The following CKAP5 variants were observed in gnomAD, a reference collection of about 807,000 sequenced individuals.
CKAP5 encodes the protein cytoskeleton-associated protein 5.
In CKAP5, 27 loss-of-function variants were observed where a neutral mutation model predicts 232.8. That is an observed-to-expected ratio of 0.12 (90% CI 0.09 to 0.16). The LOEUF is 0.16. Among genes scored for constraint, CKAP5 ranks in the 10% least tolerant of loss-of-function variants. The pLI is 1.00. For synonymous variants in CKAP5, 785 were observed against 841.1 expected, an observed-to-expected ratio of 0.93 and a Z score of 1.16; for missense variants, 1,838 against 2,424.7, an observed-to-expected ratio of 0.76 and a Z score of 5.08.
intron 16 of CKAP5, among the ~76,000 whole-genome samples, chr11:46,787,547 G>GCTATA (rs1302736770): frequency 8.6e-5 from 13 of 152,046 alleles, no homozygotes; most frequent in African/African-American, 3.1e-4. Flanking sequence ...AGTTAATGGG[G>GCTATA]CTATACAATT....
At chr11:46,761,418 T>C (rs1406689968) in intron 32 of CKAP5, among the ~76,000 whole-genome samples, 1 of 152,198 alleles carries the variant, frequency 6.6e-6, no homozygotes. Flanking sequence ...AATTCCCAAC[T>C]GCTTTATATT....
At chr11:46,752,311 T>TA (rs2065075764) in intron 38 of CKAP5, among the ~76,000 whole-genome samples, 1 of 147,684 alleles carries the variant, frequency 6.8e-6, no homozygotes, top group Non-Finnish European at 1.5e-5. Context: ...CACATATATA[T>TA]AAAAAACCAT....
intron 32 of CKAP5, 32 bp downstream of exon 32, chr11:46,761,968 A>G: frequency 6.4e-7 from 1 of 1,556,896 alleles, no homozygotes; most frequent in Non-Finnish European, 8.8e-7. Flanking sequence ...TCTTTTCACG[A>G]CATGCTGACA....
Position 46,752,827 on chromosome 11 carries a change from G to A in CKAP5, c.5058-117C>T, listed in dbSNP as rs552927296. Reference sequence around the variant, plus strand: ...TCATCTAATAAACTGAGAGGTCATGGATCAGGAATTGTCCTGGACTACCTG... The same window carrying A: ...TCATCTAATAAACTGAGAGGTCATGAATCAGGAATTGTCCTGGACTACCTG... On this transcript the variant is annotated intron_variant, in intron 37 of 43. Coordinates refer to ENST00000529230, the MANE Select transcript of CKAP5 (RefSeq NM_001008938.4). 5.4e-5 allele frequency: 39 copies of A among 728,238 alleles called. No homozygotes were observed. The African/African-American group carries it at 6.5e-4, about 12-fold the overall frequency. 45.1% of individuals were successfully genotyped at this position (728,238 alleles called of 1,614,324 possible).
chr11:46,806,062 A>C (rs1939146882), intron 8 of CKAP5, among the ~76,000 whole-genome samples: 1 of 152,258 alleles, frequency 6.6e-6, no homozygotes, highest in Non-Finnish European at 1.5e-5. Context: ...TATTTTAGCC[A>C]CAAAATTCAG....
At chr11:46,815,672 T>C (rs1161132229) in intron 4 of CKAP5, among the ~76,000 whole-genome samples, 1 of 152,190 alleles carries the variant, frequency 6.6e-6, no homozygotes, top group Non-Finnish European at 1.5e-5. Context: ...TCAGATAAAA[T>C]AACTACACAA....
At chr11:46,816,919 C>A (rs1402915180) in intron 3 of CKAP5, among the ~76,000 whole-genome samples, 1 of 150,994 alleles carries the variant, frequency 6.6e-6, no homozygotes, top group Non-Finnish European at 1.5e-5. Flanking sequence ...CCAGCCTGAC[C>A]AAAATGGAGA....
At chr11:46,821,110 T>C in intron 2 of CKAP5, 65 bp downstream of exon 2, 7 of 1,103,266 alleles carry the variant, frequency 6.3e-6, no homozygotes, top group Middle Eastern at 2.0e-4. Flanking sequence ...CTAAGTAAGA[T>C]GATAGTATAA....
rs201582389 is a variant in CKAP5, at chr11:46,821,254, A to G, written c.-23T>C. On this transcript the variant is annotated 5_prime_UTR_variant, in exon 2 of 44. Coordinates refer to ENST00000529230, the MANE Select transcript of CKAP5 (RefSeq NM_001008938.4). ...CATTGTGCTTCCAGGTTTTCCTTAG[A>G]ATTAAGAGTATTTCCTGGTCAGATA... is the stretch of plus-strand genomic sequence containing the variant. 7.6e-5 allele frequency: 121 copies of G among 1,587,066 alleles called. No individual in the cohort carries two copies. Among genetic ancestry groups the G allele is most frequent in the Middle Eastern group, 1.7e-4 (1 of 6,022 alleles).
intron 42 of CKAP5, among the ~76,000 whole-genome samples, chr11:46,747,228 T>C (rs539992238): frequency 5.5e-4 from 84 of 152,308 alleles, no homozygotes; most frequent in African/African-American, 2.0e-3. Context: ...GCTGAACAAT[T>C]AACCTAATAA....
At chr11:46,816,786 ATTTTTTTTTTTT>A (rs397848056) in intron 3 of CKAP5, among the ~76,000 whole-genome samples, 1 of 127,206 alleles carries the variant, frequency 7.9e-6, no homozygotes, top group African/African-American at 3.0e-5. Context: ...CTTGCTTTCA[ATTTTTTTTTTTT>A]TTTTTTTTTT....
chr11:46,816,508 A>G, intron 3 of CKAP5, 104 bp from the exon 4 acceptor site: 1 of 760,032 alleles, frequency 1.3e-6, no homozygotes, highest in African/African-American at 1.8e-5. Context: ...CTAGAAATAC[A>G]GTAAATGAGT....
intron 8 of CKAP5, among the ~76,000 whole-genome samples, chr11:46,801,619 G>A (rs1326092747): frequency 6.6e-6 from 1 of 151,634 alleles, no homozygotes; most frequent in Non-Finnish European, 1.5e-5. Context: ...GCAGTGAGCC[G>A]AGATTGCACC....
intron 35 of CKAP5, among the ~76,000 whole-genome samples, chr11:46,756,913 GC>G (rs1400311942): frequency 6.6e-6 from 1 of 150,788 alleles, no homozygotes; most frequent in Non-Finnish European, 1.5e-5. Flanking sequence ...GTGCCACTAT[GC>G]CCGGCTATTT....
intron 27 of CKAP5, among the ~76,000 whole-genome samples, chr11:46,766,470 G>A (rs1022078739): frequency 1.3e-5 from 2 of 152,136 alleles, no homozygotes; most frequent in African/African-American, 4.8e-5. Context: ...CCTGAGCATA[G>A]GGAAGAAAAA....
intron 13 of CKAP5, among the ~76,000 whole-genome samples, chr11:46,792,446 G>A (rs915881244): frequency 2.0e-5 from 3 of 151,902 alleles, no homozygotes; most frequent in Admixed American, 6.6e-5. Flanking sequence ...CTAGCTACTC[G>A]GGAGGCTGAG....
At position 46,801,181 on chromosome 11, in the gene CKAP5, A is replaced by G; in HGVS notation, c.1083+19T>C. ...TGATAAATTTTGTTGATCTGTATCT[A>G]AAAAGGAGTGTTACTTACATGTCCT... On this transcript the variant is annotated intron_variant, in intron 9 of 43. Transcript: ENST00000529230. 5 of 1,563,432 alleles carry G rather than the reference A, an allele frequency of 3.2e-6. No homozygotes were observed. Among genetic ancestry groups the G allele is most frequent in the Non-Finnish European group, 4.4e-6 (5 of 1,134,430 alleles).
At chr11:46,806,913 C>A (rs1939168631) in intron 8 of CKAP5, among the ~76,000 whole-genome samples, 1 of 151,922 alleles carries the variant, frequency 6.6e-6, no homozygotes, top group Admixed American at 6.6e-5. Flanking sequence ...AAACAAGTGT[C>A]TTTTTCATGG....
intron 13 of CKAP5, among the ~76,000 whole-genome samples, chr11:46,794,449 C>T (rs1452148936): frequency 6.6e-6 from 1 of 151,930 alleles, no homozygotes; most frequent in Non-Finnish European, 1.5e-5. Flanking sequence ...GAGACCTTGC[C>T]TCAAAACAAC....
Sources: gnomAD v4.1 joint callset for allele counts (sites outside exome capture counted in the v4.1 genomes callset) on GRCh38, gnomAD v4.1.1 for gene constraint, MANE v1.5 for transcripts, NCBI Gene and HGNC (gene_info 2026-07-23, HGNC 2026-07-21) for gene names.